BDH1: variants seen among roughly 807,000 people sequenced by gnomAD.
BDH1 encodes D-beta-hydroxybutyrate dehydrogenase, mitochondrial.
BDH1 carries 30 observed loss-of-function variants against 33.1 expected under a neutral mutation model. The ratio of observed to expected loss-of-function variants is 0.91; its 90% confidence interval spans 0.68 to 1.23. BDH1 has a LOEUF of 1.23. BDH1 is among the 50% of genes most tolerant of loss of function. The pLI, the probability that BDH1 is intolerant of heterozygous loss-of-function variation, is 0.00. For missense variants in BDH1, 443 were observed against 464.4 expected, an observed-to-expected ratio of 0.95 and a Z score of 0.42; for synonymous variants, 190 against 183.6, an observed-to-expected ratio of 1.03 and a Z score of -0.28.
intron 1 of BDH1, among the ~76,000 whole-genome samples, chr3:197,564,315 A>T (rs1717361596): frequency 6.6e-6 from 1 of 151,978 alleles, no homozygotes; most frequent in African/African-American, 2.4e-5. Flanking sequence ...AAGAGGATTT[A>T]TTTTAAAAAA....
chr3:197,533,049 G>C (rs7620153), intron 4 of BDH1, among the ~76,000 whole-genome samples: 37,105 of 152,050 alleles, frequency 0.24, 5,357 homozygotes, highest in African/African-American at 0.41. Context: ...GGCTAATTTT[G>C]TATTTTTAGT....
chr3:197,541,960 C>T (rs13083797), intron 3 of BDH1, among the ~76,000 whole-genome samples: 14,504 of 152,268 alleles, frequency 0.095, 1,144 homozygotes, highest in African/African-American at 0.22. Flanking sequence ...ATCTGCCTCA[C>T]TAACAAGAAT....
intron 3 of BDH1, 81 bp downstream of exon 3, chr3:197,546,280 C>T (rs1716070177): frequency 7.2e-6 from 10 of 1,383,106 alleles, no homozygotes; most frequent in Non-Finnish European, 1.0e-5. Context: ...GCCTCATCAC[C>T]GCCTACACTG....
intron 4 of BDH1, 31 bp downstream of exon 4, chr3:197,533,458 C>T (rs1209133011): frequency 8.7e-6 from 14 of 1,609,810 alleles, no homozygotes; most frequent in Non-Finnish European, 1.1e-5. Context: ...GACCATCCAA[C>T]TGGCTCCCGG....
At chr3:197,565,826 C>T (rs141315521) in intron 1 of BDH1, among the ~76,000 whole-genome samples, 1 of 152,212 alleles carries the variant, frequency 6.6e-6, no homozygotes, top group East Asian at 1.9e-4. Flanking sequence ...TTCCTAGATG[C>T]AAGTTTCTGA....
At chr3:197,551,012 T>C (rs1230959170) in intron 2 of BDH1, among the ~76,000 whole-genome samples, 4 of 152,232 alleles carry the variant, frequency 2.6e-5, no homozygotes, top group Non-Finnish European at 4.4e-5. Flanking sequence ...AATAATCACC[T>C]GAGGGAAAAT....
At chr3:197,542,130 T>C (rs1715685375) in intron 3 of BDH1, among the ~76,000 whole-genome samples, 1 of 152,214 alleles carries the variant, frequency 6.6e-6, no homozygotes, top group Non-Finnish European at 1.5e-5. Context: ...TGTCCCTGCC[T>C]GGACTGAGGC....
In BDH1 at chr3:197,546,461, G is replaced by A; in HGVS notation, c.-18C>T. 1 of 1,613,160 alleles carries A rather than the reference G, an allele frequency of 6.2e-7. No homozygotes were observed. ...GCCAGCATGGTAGCAACGGGTGTTA[G>A]AATGGCCCAGTTCCTCCCGGTGGTT... On this transcript the variant is annotated 5_prime_UTR_variant, in exon 3 of 8. Transcript: ENST00000392379.
At chr3:197,534,407 T>C (rs570992513) in intron 3 of BDH1, among the ~76,000 whole-genome samples, 1 of 152,342 alleles carries the variant, frequency 6.6e-6, no homozygotes, top group African/African-American at 2.4e-5. Context: ...GTATCAATAA[T>C]TTGCTCCTTG....
At chr3:197,546,644 C>T (rs1716103703) in intron 2 of BDH1, among the ~76,000 whole-genome samples, 158 bp from the exon 3 acceptor site, 1 of 152,190 alleles carries the variant, frequency 6.6e-6, no homozygotes, top group Admixed American at 6.5e-5. Flanking sequence ...TGGTTCCTCT[C>T]TCAAGCTGCA....
intron 6 of BDH1, among the ~76,000 whole-genome samples, chr3:197,519,576 A>C (rs891079467): frequency 6.6e-5 from 10 of 151,916 alleles, no homozygotes; most frequent in Non-Finnish European, 1.5e-4. Context: ...AGACAGGAGA[A>C]TCACTTGAAC....
intron 1 of BDH1, among the ~76,000 whole-genome samples, chr3:197,570,918 G>C (rs1188185548): frequency 1.3e-5 from 2 of 152,198 alleles, no homozygotes; most frequent in African/African-American, 4.8e-5. Context: ...CTGACAGCTT[G>C]CACCATGTGC....
rs748625601 is a variant in BDH1 at position 197,521,665 on chromosome 3, C to T, written c.409+975G>A. On this transcript the variant is annotated intron_variant, in intron 6 of 7. Transcript: ENST00000392379. This position sits in a 1 kb window ranked among gnomAD's most constrained non-coding sequence, Gnocchi z 4.9. ...TATCTCCCCACCTGCTCCTGCAGTGCGGGGCACCAGGTGTCCAGGACAGAG... is the reference window on the plus strand; with the variant it reads ...TATCTCCCCACCTGCTCCTGCAGTGTGGGGCACCAGGTGTCCAGGACAGAG... Among the ~76,000 whole-genome samples the T allele has an allele frequency of 2.0e-5, 3 of 152,246 alleles. No individual in the cohort carries two copies. The highest frequency in any genetic ancestry group is 3.4e-3 in the Middle Eastern group (1 of 294).
rs1184281658 is a variant in BDH1, at chr3:197,523,648, C to T, written c.268-867G>A. ...GAACTGGAGGTCAAGATCAATCATT[C>T]AGCCCCTGTTCCCAGAGTCGTGTTC... On this transcript the variant is annotated intron_variant, in intron 5 of 7. Transcript: ENST00000392379. The surrounding 1 kb of genome is among the most constrained non-coding windows in gnomAD (Gnocchi z 4.5). Among the ~76,000 whole-genome samples the T allele has an allele frequency of 6.6e-6, 1 of 152,192 alleles. No individual in the cohort carries two copies. Among genetic ancestry groups the T allele is most frequent in the Non-Finnish European group, 1.5e-5 (1 of 68,038 alleles).
intron 3 of BDH1, among the ~76,000 whole-genome samples, chr3:197,543,990 C>T (rs1201208091): frequency 6.6e-6 from 1 of 152,158 alleles, no homozygotes; most frequent in East Asian, 1.9e-4. Flanking sequence ...AGGTACTAAC[C>T]TCTCCATCAC....
rs758218121 is a variant in BDH1 at position 197,514,355 on chromosome 3, G to T, written c.471C>A (p.Ser157Arg). ...ISTFGEVEFT[S>R]LETYKQVAEV... The stretch of plus-strand genomic sequence containing the variant: ...CTGCCACCTGCTTGTAGGTCTCCAG[G>T]CTGGTGAACTCCACCTCCCCGAACG... Residue 157 changes from serine to arginine, a missense_variant, in exon 7 of 8, where the codon AGC becomes AGA. Ser to Arg is a moderately radical substitution (Grantham distance 110). Coordinates refer to ENST00000392379, the MANE Select transcript of BDH1 (RefSeq NM_203314.3). This position sits in a 1 kb window ranked among gnomAD's most constrained non-coding sequence, Gnocchi z 4.2. 5 of 1,613,520 alleles carry T rather than the reference G, an allele frequency of 3.1e-6. No individual in the cohort carries two copies. The highest frequency in any genetic ancestry group is 1.3e-5 in the African/African-American group (1 of 74,840).
chr3:197,532,296 T>C, intron 5 of BDH1, 116 bp downstream of exon 5: 2 of 770,472 alleles, frequency 2.6e-6, no homozygotes, highest in Non-Finnish European at 4.4e-6. Flanking sequence ...CGATGGAAAA[T>C]GGACAGGCTG....
intron 3 of BDH1, among the ~76,000 whole-genome samples, chr3:197,541,122 T>C (rs538420546): frequency 1.3e-5 from 2 of 152,208 alleles, no homozygotes; most frequent in Non-Finnish European, 2.9e-5. Context: ...GCTTCTCAAT[T>C]TGAAGGGGCC....
chr3:197,522,937 CT>C lies in BDH1; in HGVS notation c.268-157del, dbSNP rs1713714842. 5 of 747,776 alleles carry C rather than the reference CT, an allele frequency of 6.7e-6. No individual in the cohort carries two copies. The highest frequency in any genetic ancestry group is 5.3e-5 in the African/African-American group (3 of 56,670). 46.3% of individuals were successfully genotyped at this position (747,776 alleles called of 1,614,324 possible). On this transcript the variant is annotated intron_variant, in intron 5 of 7. Transcript: ENST00000392379. This position sits in a 1 kb window ranked among gnomAD's most constrained non-coding sequence, Gnocchi z 4.8. ...GGGCCTGGCCCACCAGCATGCGGTTCTTTTTAATCCTGAGCACTGATGACCT... is the reference window on the plus strand; with the variant it reads ...GGGCCTGGCCCACCAGCATGCGGTTCTTTTAATCCTGAGCACTGATGACCT...
Sources: gnomAD v4.1 joint callset for allele counts (sites outside exome capture counted in the v4.1 genomes callset) on GRCh38, gnomAD v4.1.1 for gene constraint, Gnocchi (gnomAD v3.1) non-coding constraint, MANE v1.5 for transcripts, NCBI Gene and HGNC (gene_info 2026-07-23, HGNC 2026-07-21) for gene names.